The following PUM1 variants were observed in gnomAD, a reference collection of about 807,000 sequenced individuals.
PUM1 encodes the protein pumilio homolog 1.
In PUM1, 13 loss-of-function variants were observed where a neutral mutation model predicts 131.8. The ratio of observed to expected loss-of-function variants is 0.10; its 90% CI spans 0.06 to 0.16. The LOEUF is 0.16. Among genes scored for constraint, PUM1 ranks in the 10% least tolerant of loss-of-function variants. The probability of loss-of-function intolerance (pLI) is 1.00; values close to 1 mark genes in which losing one functional copy is unlikely to be tolerated. For synonymous variants in PUM1, 509 were observed against 556.5 expected (o/e 0.91, Z 1.20); for missense variants, 961 against 1,512.4 (o/e 0.64, Z 6.05).
intron 3 of PUM1, among the ~76,000 whole-genome samples, chr1:31,017,493 TTA>T (rs1642858900): frequency 6.6e-6 from 1 of 152,122 alleles, no homozygotes; most frequent in African/African-American, 2.4e-5. Context: ...GCTTAAAACA[TTA>T]TGAGATTTTA....
chr1:31,001,921 C>G (rs919397861), intron 5 of PUM1, among the ~76,000 whole-genome samples: 1 of 152,150 alleles, frequency 6.6e-6, no homozygotes, highest in Non-Finnish European at 1.5e-5. Flanking sequence ...GTAGTCTTGT[C>G]AAAATGCAGA....
chr1:30,965,009 AC>A (rs1292915482), intron 13 of PUM1, 99 bp from the exon 14 acceptor site: 1 of 960,056 alleles, frequency 1.0e-6, no homozygotes, highest in African/African-American at 1.6e-5. Flanking sequence ...ACTCCTTACC[AC>A]CGCAAATTTG....
At chr1:30,933,479 C>CACACAT in intron 21 of PUM1, 137 bp from the exon 22 acceptor site, 1 of 857,580 alleles carries the variant, frequency 1.2e-6, no homozygotes. Context: ...CACACACACA[C>CACACAT]ACACACCCCT....
At chr1:30,971,315 T>C (rs1000331050) in intron 10 of PUM1, among the ~76,000 whole-genome samples, 2 of 152,146 alleles carry the variant, frequency 1.3e-5, no homozygotes, top group African/African-American at 4.8e-5. Flanking sequence ...AAAAATCATA[T>C]TTTCCTCAAA....
intron 10 of PUM1, among the ~76,000 whole-genome samples, chr1:30,969,897 A>C (rs1212321322): frequency 6.6e-6 from 1 of 152,196 alleles, no homozygotes; most frequent in Non-Finnish European, 1.5e-5. Context: ...TCCTGGGCAC[A>C]AGCAATCCAC....
At chr1:30,942,199 A>ATATATATATATC (rs1639474443) in intron 18 of PUM1, 76 bp from the exon 19 acceptor site, 1 of 28,498 alleles carries the variant, frequency 3.5e-5, no homozygotes, top group Non-Finnish European at 8.8e-5. Flanking sequence ...GTTTATATAT[A>ATATATATATATC]TATATATATA....
chr1:30,934,635 T>C (rs1639122476), intron 21 of PUM1, among the ~76,000 whole-genome samples: 1 of 152,244 alleles, frequency 6.6e-6, no homozygotes, highest in Non-Finnish European at 1.5e-5. Flanking sequence ...AATGCTATAC[T>C]TTCCTTTCAG....
At chr1:30,935,309 C>T (rs1639156551) in intron 21 of PUM1, among the ~76,000 whole-genome samples, 1 of 152,224 alleles carries the variant, frequency 6.6e-6, no homozygotes, top group African/African-American at 2.4e-5. Context: ...GGTCATCACT[C>T]TATTAAGTAT....
chr1:31,039,505 G>A (rs1643750345), intron 2 of PUM1, among the ~76,000 whole-genome samples: 1 of 152,162 alleles, frequency 6.6e-6, no homozygotes, highest in Non-Finnish European at 1.5e-5. Context: ...TAACAGGCAT[G>A]AGCCACTGCA....
intron 2 of PUM1, among the ~76,000 whole-genome samples, chr1:31,038,596 C>T (rs533930446): frequency 5.8e-4 from 89 of 152,284 alleles, no homozygotes; most frequent in Admixed American, 1.6e-3. Context: ...ATGTGAGAAA[C>T]TGCCCTTAGT....
chr1:30,947,719 T>A (rs1472537698), intron 17 of PUM1, among the ~76,000 whole-genome samples: 2 of 152,186 alleles, frequency 1.3e-5, no homozygotes, highest in Non-Finnish European at 2.9e-5. Context: ...AAAATAGTGA[T>A]GTTAATGAAT....
intron 2 of PUM1, among the ~76,000 whole-genome samples, chr1:31,038,984 A>ATATATATATATTTTTTTTTTTTTTTT: frequency 4.0e-5 from 2 of 49,418 alleles, no homozygotes; most frequent in South Asian, 8.2e-4. Context: ...ATATATATAT[A>ATATATATATATTTTTTTTTTTTTTTT]TTTTTTTTTT....
At chr1:31,053,437 G>A (rs1379904476) in intron 2 of PUM1, among the ~76,000 whole-genome samples, 2 of 150,038 alleles carry the variant, frequency 1.3e-5, no homozygotes, top group East Asian at 2.0e-4. Context: ...TCTGCCGGGC[G>A]CAGTGGCTCA....
chr1:30,938,017 C>T (rs1639286561), intron 20 of PUM1, among the ~76,000 whole-genome samples: 1 of 152,168 alleles, frequency 6.6e-6, no homozygotes, highest in African/African-American at 2.4e-5. Context: ...AGCAATCTGC[C>T]CGCCTCAGCC....
At chr1:31,058,158 C>T (rs1281378541) in intron 2 of PUM1, among the ~76,000 whole-genome samples, 2 of 152,132 alleles carry the variant, frequency 1.3e-5, no homozygotes. Flanking sequence ...CTCTCTGACA[C>T]AATATATCAG....
At chr1:30,937,395 A>G (rs2124379801) in intron 20 of PUM1, among the ~76,000 whole-genome samples, 1 of 152,166 alleles carries the variant, frequency 6.6e-6, no homozygotes, top group South Asian at 2.1e-4. Flanking sequence ...AATCCCAGCT[A>G]CTTGGGAGGT....
At chr1:30,992,344 C>T (rs1336128774) in intron 7 of PUM1, 46 bp downstream of exon 7, 4 of 1,584,418 alleles carry the variant, frequency 2.5e-6, no homozygotes, top group Non-Finnish European at 3.4e-6. Flanking sequence ...GAACAACGTG[C>T]TGGCTGGAGG....
intron 6 of PUM1, among the ~76,000 whole-genome samples, chr1:30,993,454 T>A (rs1412210220): frequency 1.3e-5 from 2 of 151,764 alleles, no homozygotes; most frequent in Admixed American, 6.6e-5. Flanking sequence ...GATTATATGA[T>A]CCAAAATCAG....
At chr1:30,993,027 T>A (rs2124486894) in intron 6 of PUM1, among the ~76,000 whole-genome samples, 1 of 152,300 alleles carries the variant, frequency 6.6e-6, no homozygotes, top group Admixed American at 6.5e-5. Flanking sequence ...TATCTACTCT[T>A]TAAATACAGA....
Sources: allele counts gnomAD v4.1 joint callset (sites outside exome capture counted in the v4.1 genomes callset), GRCh38; gene constraint gnomAD v4.1.1; transcripts MANE v1.5; gene names NCBI Gene and HGNC (gene_info 2026-07-23, HGNC 2026-07-21).